PDE4D: variants seen among roughly 807,000 people sequenced by gnomAD.
PDE4D encodes the protein phosphodiesterase 4D.
A neutral mutation model predicts 87.4 loss-of-function variants in PDE4D; 24 were observed. The ratio of observed to expected loss-of-function variants is 0.27; its 90% CI spans 0.20 to 0.39. The LOEUF (loss-of-function observed/expected upper bound fraction) is 0.39, where lower values mean the gene tolerates loss of function less well. Among genes scored for constraint, PDE4D ranks in the 10% least tolerant of loss-of-function variants. The pLI is 1.00. For missense variants in PDE4D, 714 were observed against 1,041.0 expected, an observed-to-expected ratio of 0.69 and a Z score of 4.32; for synonymous variants, 384 against 383.2, an observed-to-expected ratio of 1.00 and a Z score of -0.02.
intron 1 of PDE4D, among the ~76,000 whole-genome samples, chr5:60,299,621 A>G (rs1042963592): frequency 6.6e-6 from 1 of 152,078 alleles, no homozygotes; most frequent in African/African-American, 2.4e-5. Context: ...CTCATCATAC[A>G]GCTCCCACTT....
At chr5:59,108,955 A>ATGTG (rs57004711) in intron 5 of PDE4D, among the ~76,000 whole-genome samples, 16,405 of 121,582 alleles carry the variant, frequency 0.13, 1,218 homozygotes, top group Non-Finnish European at 0.16. Flanking sequence ...TAGGAACTCA[A>ATGTG]TGTGTGTGTG....
At chr5:60,193,373 G>A (rs1170591128) in intron 1 of PDE4D, among the ~76,000 whole-genome samples, 1 of 152,034 alleles carries the variant, frequency 6.6e-6, no homozygotes, top group Non-Finnish European at 1.5e-5. Context: ...CAATATGGGT[G>A]GAAAAAGCTG....
chr5:59,424,307 A>T (rs1429109977), intron 1 of PDE4D, among the ~76,000 whole-genome samples: 1 of 152,210 alleles, frequency 6.6e-6, no homozygotes, highest in Non-Finnish European at 1.5e-5. Context: ...GGATAATTTG[A>T]AGTTTTGTTT....
chr5:59,683,672 T>C (rs1317660280), intron 1 of PDE4D, among the ~76,000 whole-genome samples: 9 of 152,200 alleles, frequency 5.9e-5, no homozygotes, highest in Admixed American at 5.9e-4. Context: ...GTCTGCTAAA[T>C]CGTTCCATTA....
At position 59,507,679 on chromosome 5, in the gene PDE4D, A is replaced by G. The variant is rs112538890; in HGVS notation, c.456-291711T>C. 2.5e-3 allele frequency among the ~76,000 whole-genome samples: 294 copies of G among 118,694 alleles called. 2 individuals carry two copies. The highest frequency in any genetic ancestry group is 4.1e-3 in the Non-Finnish European group (244 of 59,460). The allele number at this position is 118,694 out of a possible 152,430, so 77.9% of individuals were successfully genotyped here. A position where few individuals can be genotyped will look rare whatever the true frequency, so the allele number is the denominator to read the frequency against. ...TACCCTGTCTCAAAAAAAAAAAAAA[A>G]AAAAGAAAAGAAAAGAAAAAAGAAA... On this transcript the variant is annotated intron_variant, in intron 1 of 14. Coordinates refer to ENST00000340635, the MANE Select transcript of PDE4D (RefSeq NM_001104631.2).
chr5:59,168,633 A>G (rs903209651), intron 5 of PDE4D, among the ~76,000 whole-genome samples: 1 of 152,132 alleles, frequency 6.6e-6, no homozygotes, highest in East Asian at 1.9e-4. Flanking sequence ...TCAGGAATAG[A>G]TGGTATAGAT....
At chr5:60,329,468 A>C (rs1757119838) in intron 1 of PDE4D, among the ~76,000 whole-genome samples, 1 of 152,138 alleles carries the variant, frequency 6.6e-6, no homozygotes, top group African/African-American at 2.4e-5. Context: ...TCCTTTATAC[A>C]TTACCCAGTC....
At chr5:60,294,329 T>G (rs985816280) in intron 1 of PDE4D, among the ~76,000 whole-genome samples, 1 of 152,202 alleles carries the variant, frequency 6.6e-6, no homozygotes, top group African/African-American at 2.4e-5. Flanking sequence ...TGATATTGAT[T>G]AAAGTCCTTT....
chr5:59,849,137 A>G (rs967207350), intron 1 of PDE4D, among the ~76,000 whole-genome samples: 4 of 152,040 alleles, frequency 2.6e-5, no homozygotes, highest in Non-Finnish European at 5.9e-5. Flanking sequence ...GTCTTTTTGC[A>G]GTAGGCAGGT....
Position 59,022,138 on chromosome 5 carries a change from A to T in PDE4D, c.921+16721T>A, listed in dbSNP as rs192792479. Among the ~76,000 whole-genome samples, 3 of 152,228 alleles carry T rather than the reference A, an allele frequency of 2.0e-5. No individual in the cohort carries two copies. The East Asian group carries it at 5.8e-4, about 29-fold the overall frequency. ...ACCCCTCCCTCCATTTCTACAGCTG[A>T]CTGTCTGTTCTTCCTTAAACATTTA... On this transcript the variant is annotated intron_variant, in intron 6 of 14. Transcript: ENST00000340635.
At chr5:60,152,662 A>G (rs1582884618) in intron 2 of PDE4D, among the ~76,000 whole-genome samples, 1 of 151,810 alleles carries the variant, frequency 6.6e-6, no homozygotes, top group East Asian at 1.9e-4. Flanking sequence ...CAAAAAAAAA[A>G]AAAAAAAGAA....
At chr5:59,606,696 A>C (rs1356344612) in intron 1 of PDE4D, among the ~76,000 whole-genome samples, 1 of 152,126 alleles carries the variant, frequency 6.6e-6, no homozygotes. Context: ...TAACCTTCGT[A>C]AGTAGTAAAT....
intron 1 of PDE4D, among the ~76,000 whole-genome samples, chr5:59,366,838 T>G (rs1164866116): frequency 6.6e-6 from 1 of 152,218 alleles, no homozygotes; most frequent in Non-Finnish European, 1.5e-5. Flanking sequence ...AGTGTAAAAG[T>G]CAGCTTGCTA....
At chr5:60,235,204 T>C (rs1746285198) in intron 1 of PDE4D, among the ~76,000 whole-genome samples, 1 of 151,930 alleles carries the variant, frequency 6.6e-6, no homozygotes, top group African/African-American at 2.4e-5. Flanking sequence ...TTTGGAATTC[T>C]GCTGACTAAA....
intron 6 of PDE4D, among the ~76,000 whole-genome samples, chr5:59,031,336 T>TC (rs1218036339): frequency 7.2e-6 from 1 of 139,620 alleles, no homozygotes; most frequent in Non-Finnish European, 1.5e-5. Context: ...ATCTAAGTGT[T>TC]CATCAAGTGT....
At chr5:59,075,644 G>T (rs1765562637) in intron 5 of PDE4D, among the ~76,000 whole-genome samples, 2 of 152,006 alleles carry the variant, frequency 1.3e-5, no homozygotes, top group Non-Finnish European at 2.9e-5. Context: ...TACATATGAA[G>T]AAAAGACTTC....
intron 1 of PDE4D, among the ~76,000 whole-genome samples, chr5:60,186,166 C>T (rs866205235): frequency 6.6e-6 from 1 of 152,112 alleles, no homozygotes; most frequent in Non-Finnish European, 1.5e-5. Context: ...TGACAATAAT[C>T]AATAGTACCT....
At chr5:59,629,616 C>T (rs1325607150) in intron 1 of PDE4D, among the ~76,000 whole-genome samples, 2 of 152,146 alleles carry the variant, frequency 1.3e-5, no homozygotes, top group Non-Finnish European at 2.9e-5. Context: ...CTCCTAGCCT[C>T]CAGAACGGTG....
intron 1 of PDE4D, among the ~76,000 whole-genome samples, chr5:59,340,947 T>C (rs1337371303): frequency 2.0e-5 from 3 of 152,232 alleles, no homozygotes; most frequent in African/African-American, 4.8e-5. Context: ...GACACTTAGA[T>C]ACAACCAGGT....
Sources: gnomAD v4.1 joint callset for allele counts (sites outside exome capture counted in the v4.1 genomes callset) on GRCh38, gnomAD v4.1.1 for gene constraint, MANE v1.5 for transcripts, NCBI Gene and HGNC (gene_info 2026-07-23, HGNC 2026-07-21) for gene names.